ATXN3: variants seen among roughly 807,000 people sequenced by gnomAD.
ATXN3 encodes the protein ataxin-3.
A neutral mutation model predicts 58.2 loss-of-function variants in ATXN3; 28 were observed. The ratio of observed to expected loss-of-function variants is 0.48; its 90% CI spans 0.36 to 0.66. The LOEUF (loss-of-function observed/expected upper bound fraction) is 0.66, where lower values mean the gene tolerates loss of function less well. Ranked by LOEUF, ATXN3 falls within the 30% of genes least tolerant of loss-of-function variation. ATXN3 has a pLI of 0.00. For missense variants in ATXN3, 321 were observed against 422.1 expected, an observed-to-expected ratio of 0.76 and a Z score of 2.10; for synonymous variants, 113 against 138.5, an observed-to-expected ratio of 0.82 and a Z score of 1.29.
chr14:92,097,160 T>C lies in ATXN3; in HGVS notation c.25-322A>G, dbSNP rs371787135. On this transcript the variant is annotated intron_variant, in intron 1 of 10. Transcript: ENST00000644486. ...TCCTGACCTCGTGATCCGCCCGCCT[T>C]GGCCTCCCAAAGTGCTGGGATTACA... Among the ~76,000 whole-genome samples, 186 of 151,852 alleles carry C rather than the reference T, an allele frequency of 1.2e-3. 1 individual carries two copies. The East Asian group carries it at 0.028, about 23-fold the overall frequency.
At chr14:92,079,702 C>T (rs908489496) in intron 9 of ATXN3, among the ~76,000 whole-genome samples, 3 of 152,114 alleles carry the variant, frequency 2.0e-5, no homozygotes, top group African/African-American at 7.2e-5. Context: ...ATCAGTGGGT[C>T]TGATTATTTA....
intron 9 of ATXN3, among the ~76,000 whole-genome samples, chr14:92,072,347 A>G (rs1157631157): frequency 1.3e-5 from 2 of 152,274 alleles, no homozygotes; most frequent in African/African-American, 4.8e-5. Context: ...TCTGTGTACT[A>G]TTTCTGCTTT....
chr14:92,045,481 T>G lies in ATXN3; in HGVS notation n.277-523A>C, dbSNP rs145705368. Reference sequence around the variant, plus strand: ...AGTGTCTTCCCAGACCAAGAGGTATTTTAGTTTCCTAACTCAGGGCATGTG... The same window carrying G: ...AGTGTCTTCCCAGACCAAGAGGTATGTTAGTTTCCTAACTCAGGGCATGTG... On this transcript the variant is annotated intron_variant and non_coding_transcript_variant, in intron 2 of 2. Coordinates refer to the ATXN3 transcript ENST00000564606. Among the ~76,000 whole-genome samples the G allele has an allele frequency of 6.8e-3, 1,034 of 152,180 alleles. 11 individuals are homozygous for G. The highest frequency in any genetic ancestry group is 0.023 in the African/African-American group (971 of 41,516).
At chr14:92,058,285 G>A (rs1034794925), downstream of ATXN3, 4 of 152,234 alleles carry the variant, frequency 2.6e-5, no homozygotes, top group African/African-American at 9.6e-5. Flanking sequence ...AGGTCCGAGT[G>A]TAGCCTGAAA....
chr14:92,094,376 C>T (rs2141083318), intron 3 of ATXN3, among the ~76,000 whole-genome samples: 1 of 152,316 alleles, frequency 6.6e-6, no homozygotes, highest in Non-Finnish European at 1.5e-5. Flanking sequence ...CTAAATAAAA[C>T]TGCCTCAAAA....
At chr14:92,090,920 C>T (rs17734780) in intron 5 of ATXN3, among the ~76,000 whole-genome samples, 2,389 of 149,902 alleles carry the variant, frequency 0.016, 26 homozygotes, top group Middle Eastern at 0.035. Context: ...TTCCCACTCG[C>T]ATCAGCCTCT....
Position 92,058,557 on chromosome 14 carries a change from A to G in ATXN3, c.*5763T>C, listed in dbSNP as rs2057522797. The G allele has an allele frequency of 6.6e-6, 1 of 152,256 alleles. No individual in the cohort carries two copies. The highest frequency in any genetic ancestry group is 1.5e-5 in the Non-Finnish European group (1 of 68,038). The allele number at this position is 152,256 out of a possible 1,614,324, so 9.4% of individuals were successfully genotyped here. A position where few individuals can be genotyped will look rare whatever the true frequency, so the allele number is the denominator to read the frequency against. The stretch of plus-strand genomic sequence containing the variant: ...AACACAAATTCAAAAGGAAATAGAA[A>G]AGCAAACATTATCTTTATTTAATAA... On this transcript the variant is annotated 3_prime_UTR_variant, in exon 11 of 11. Transcript: ENST00000644486.
At chr14:92,091,561 T>C (rs1595879508) in intron 5 of ATXN3, among the ~76,000 whole-genome samples, 1 of 152,220 alleles carries the variant, frequency 6.6e-6, no homozygotes, top group South Asian at 2.1e-4. Flanking sequence ...TTTTTGTTTT[T>C]GAATTATCTC....
At chr14:92,070,843 T>G (rs767110312) in intron 10 of ATXN3, 92 bp downstream of exon 10, 3 of 1,609,296 alleles carry the variant, frequency 1.9e-6, no homozygotes, top group Non-Finnish European at 2.5e-6. Context: ...AAAGAGGGAA[T>G]GAAGAATAAT....
At chr14:92,105,182 G>C in intron 1 of ATXN3, among the ~76,000 whole-genome samples, 1 of 152,114 alleles carries the variant, frequency 6.6e-6, no homozygotes, top group Non-Finnish European at 1.5e-5. Context: ...AGCACTTCGA[G>C]AGGCCGAGGT....
intron 9 of ATXN3, among the ~76,000 whole-genome samples, chr14:92,078,804 A>G (rs1021104387): frequency 1.3e-5 from 2 of 152,238 alleles, no homozygotes; most frequent in Admixed American, 1.3e-4. Flanking sequence ...TAAAATGGTT[A>G]TAGAATAATA....
upstream of ATXN3, among the ~76,000 whole-genome samples, chr14:92,051,350 T>G (rs1018194327): frequency 1.3e-5 from 2 of 152,216 alleles, no homozygotes; most frequent in Non-Finnish European, 2.9e-5. Flanking sequence ...TTCTAAAACT[T>G]ACCAAGAGAA....
Position 92,093,247 on chromosome 14 carries a change from G to C in ATXN3, c.387+5C>G. On this transcript the variant is annotated splice_donor_5th_base_variant and intron_variant, in intron 5 of 10. Coordinates refer to ENST00000644486, the MANE Select transcript of ATXN3 (RefSeq NM_004993.6). ...AAAAAGACAAGGAAGGGTAAGAAAT[G>C]TTACCTGTTTTCCTAATTTTCTAAC... 1 of 1,487,450 alleles carries C rather than the reference G, an allele frequency of 6.7e-7. No individual in the cohort carries two copies. The highest frequency in any genetic ancestry group is 9.3e-7 in the Non-Finnish European group (1 of 1,076,870). The allele number at this position is 1,487,450 out of a possible 1,614,324, so 92.1% of individuals were successfully genotyped here.
At chr14:92,094,577 C>T (rs1410722569) in intron 3 of ATXN3, among the ~76,000 whole-genome samples, 1 of 152,186 alleles carries the variant, frequency 6.6e-6, no homozygotes, top group Admixed American at 6.5e-5. Flanking sequence ...AGATGTCAGA[C>T]TTCTAGGGTC....
At chr14:92,104,106 C>G (rs1399962683) in intron 1 of ATXN3, among the ~76,000 whole-genome samples, 1 of 152,140 alleles carries the variant, frequency 6.6e-6, no homozygotes, top group Admixed American at 6.5e-5. Flanking sequence ...TATCTGTAGG[C>G]CTATACACAT....
chr14:92,053,440 G>A (rs908586621), upstream of ATXN3, among the ~76,000 whole-genome samples: 6 of 150,868 alleles, frequency 4.0e-5, no homozygotes, highest in African/African-American at 1.2e-4. Context: ...AAGGTAACCC[G>A]AAAGAAAAGG....
At chr14:92,096,456 C>G (rs1334359278) in intron 2 of ATXN3, 1 of 778,716 alleles carries the variant, frequency 1.3e-6, no homozygotes, top group Non-Finnish European at 2.0e-6. Context: ...AACCCCATCT[C>G]TAACAAAGAT....
intron 9 of ATXN3, among the ~76,000 whole-genome samples, chr14:92,077,978 CTTTT>C (rs112851203): frequency 7.1e-6 from 1 of 140,276 alleles, no homozygotes; most frequent in Non-Finnish European, 1.5e-5. Flanking sequence ...TTTCTTTTCT[CTTTT>C]TTTTTTTTTT....
intron 8 of ATXN3, 109 bp downstream of exon 8, chr14:92,082,191 G>A: frequency 8.1e-7 from 1 of 1,238,252 alleles, no homozygotes; most frequent in Middle Eastern, 2.4e-4. Flanking sequence ...TATTGCTTCT[G>A]CAGTAATTGT....
Sources: gnomAD v4.1 joint callset for allele counts (sites outside exome capture counted in the v4.1 genomes callset) on GRCh38, gnomAD v4.1.1 for gene constraint, MANE v1.5 for transcripts, NCBI Gene and HGNC (gene_info 2026-07-23, HGNC 2026-07-21) for gene names.